Variants in ANK3 observed in about 807,000 individuals in gnomAD.
ANK3 encodes ankyrin 3, also known as ankyrin-3.
In ANK3, 57 loss-of-function variants were observed where a neutral mutation model predicts 370.9. The ratio of observed to expected loss-of-function variants is 0.15; its 90% CI spans 0.12 to 0.19. The LOEUF is 0.19. Among genes scored for constraint, ANK3 ranks in the 10% least tolerant of loss-of-function variants. ANK3 has a pLI of 1.00. For missense variants in ANK3, 4,439 were observed against 5,302.1 expected (o/e 0.84, Z 5.06); for synonymous variants, 1,929 against 1,946.3 (o/e 0.99, Z 0.23).
intron 25 of ANK3, among the ~76,000 whole-genome samples, chr10:60,130,111 TAACAA>T (rs2093981884): frequency 6.6e-6 from 1 of 152,216 alleles, no homozygotes; most frequent in Non-Finnish European, 1.5e-5. Context: ...TGATAACCTG[TAACAA>T]AACAGTCTAC....
At chr10:60,674,150 T>C (rs1381067140) in intron 1 of ANK3, among the ~76,000 whole-genome samples, 1 of 152,194 alleles carries the variant, frequency 6.6e-6, no homozygotes, top group Non-Finnish European at 1.5e-5. Flanking sequence ...GTGTCTTCAT[T>C]CCAATAATTT....
At chr10:60,648,925 T>C (rs1037185795) in intron 1 of ANK3, among the ~76,000 whole-genome samples, 4 of 152,024 alleles carry the variant, frequency 2.6e-5, no homozygotes, top group African/African-American at 9.7e-5. Context: ...GCTAGTCATA[T>C]TGGCCACAGC....
At chr10:60,585,866 A>G (rs530186538) in intron 2 of ANK3, among the ~76,000 whole-genome samples, 1 of 152,200 alleles carries the variant, frequency 6.6e-6, no homozygotes, top group Admixed American at 6.5e-5. Context: ...TCTACCAAAG[A>G]TTCAAAAATT....
At chr10:60,708,459 A>G (rs975558629) in intron 1 of ANK3, among the ~76,000 whole-genome samples, 2 of 152,248 alleles carry the variant, frequency 1.3e-5, no homozygotes, top group Non-Finnish European at 2.9e-5. Flanking sequence ...GTTGAGTTTC[A>G]AAAGGTAGAG....
At chr10:60,048,343 G>A (rs1355433014) in intron 42 of ANK3, among the ~76,000 whole-genome samples, 1 of 152,204 alleles carries the variant, frequency 6.6e-6, no homozygotes, top group African/African-American at 2.4e-5. Flanking sequence ...TGGTTCCCAG[G>A]AATGACAGCC....
intron 4 of ANK3, among the ~76,000 whole-genome samples, chr10:60,276,640 A>G (rs779967940): frequency 1.4e-4 from 21 of 152,178 alleles, no homozygotes; most frequent in Admixed American, 2.6e-4. Context: ...TGAAATTAGA[A>G]CTAATTAGGA....
chr10:60,270,515 T>C (rs557803618), intron 4 of ANK3, among the ~76,000 whole-genome samples: 1 of 152,316 alleles, frequency 6.6e-6, no homozygotes, highest in South Asian at 2.1e-4. Flanking sequence ...TTACCCACTT[T>C]AAAGAAATAA....
intron 5 of ANK3, among the ~76,000 whole-genome samples, chr10:60,269,295 C>G (rs1207402401): frequency 3.3e-5 from 5 of 152,122 alleles, no homozygotes; most frequent in Non-Finnish European, 1.5e-5. Flanking sequence ...TTATTCTATT[C>G]TAGACAGCAA....
intron 1 of ANK3, among the ~76,000 whole-genome samples, chr10:60,363,688 T>G (rs1189296351): frequency 6.6e-6 from 1 of 152,178 alleles, no homozygotes. Flanking sequence ...TTCAAAACAT[T>G]ACAATTTCCT....
At chr10:60,418,714 A>G (rs1567024413) in intron 2 of ANK3, among the ~76,000 whole-genome samples, 1 of 151,540 alleles carries the variant, frequency 6.6e-6, no homozygotes, top group African/African-American at 2.4e-5. Context: ...TACTTACGCT[A>G]GAAAAAAAAA....
Position 60,027,077 on chromosome 10 carries a change from G to A in ANK3, c.*2769C>T, listed in dbSNP as rs1206701181. 6.6e-6 allele frequency: 1 copy of A among 151,740 alleles called. No individual in the cohort carries two copies. Among genetic ancestry groups the A allele is most frequent in the African/African-American group, 2.4e-5 (1 of 41,294 alleles). The allele number at this position is 151,740 out of a possible 1,614,324, so 9.4% of individuals were successfully genotyped here. On this transcript the variant is annotated 3_prime_UTR_variant, in exon 44 of 44. Coordinates refer to ENST00000280772, the MANE Select transcript of ANK3 (RefSeq NM_020987.5). ...TAAACTTATGACCTCCTGCTTGATC[G>A]GAACCAAAGCATATCACATATACCT...
chr10:60,108,728 AC>A, intron 27 of ANK3, 101 bp downstream of exon 27: 1 of 942,882 alleles, frequency 1.1e-6, no homozygotes, highest in Non-Finnish European at 1.6e-6. Context: ...TCAATCAGGT[AC>A]AACTAAGCAG....
At chr10:60,104,357 C>CAAAAAAAAAAAAAAAAA (rs747064489) in intron 28 of ANK3, among the ~76,000 whole-genome samples, 1 of 53,758 alleles carries the variant, frequency 1.9e-5, no homozygotes, top group East Asian at 6.0e-4. Flanking sequence ...GACTCCATCT[C>CAAAAAAAAAAAAAAAAA]AAAAAAAAAA....
At chr10:60,613,915 A>G (rs1300222720) in intron 2 of ANK3, among the ~76,000 whole-genome samples, 1 of 152,158 alleles carries the variant, frequency 6.6e-6, no homozygotes, top group Non-Finnish European at 1.5e-5. Flanking sequence ...CTCTATGAAA[A>G]ATACAAAAAT....
chr10:60,106,699 G>C (rs891415628), intron 27 of ANK3, among the ~76,000 whole-genome samples: 1 of 152,112 alleles, frequency 6.6e-6, no homozygotes. Flanking sequence ...TTGTTGGTTT[G>C]AAATTGTCAC....
chr10:60,362,942 G>A (rs2058834119), intron 1 of ANK3, among the ~76,000 whole-genome samples: 1 of 152,046 alleles, frequency 6.6e-6, no homozygotes, highest in African/African-American at 2.4e-5. Context: ...AGATAGGGTG[G>A]GCTATCCTGG....
At chr10:60,272,484 GTTTTTT>G (rs11368213) in intron 4 of ANK3, among the ~76,000 whole-genome samples, 1 of 147,152 alleles carries the variant, frequency 6.8e-6, no homozygotes, top group African/African-American at 2.6e-5. Flanking sequence ...GTTCTTGTTT[GTTTTTT>G]TTTTGTTGAG....
chr10:60,577,941 T>A (rs2077703060), intron 2 of ANK3, among the ~76,000 whole-genome samples: 1 of 152,196 alleles, frequency 6.6e-6, no homozygotes, highest in Non-Finnish European at 1.5e-5. Context: ...TGAATTGAGT[T>A]GCAATTTCCA....
chr10:60,275,470 C>T (rs990976135), intron 4 of ANK3, among the ~76,000 whole-genome samples: 2 of 152,078 alleles, frequency 1.3e-5, no homozygotes, highest in African/African-American at 2.4e-5. Context: ...TATGGCCAGC[C>T]TTTGCACATC....
Sources: gnomAD v4.1 joint callset for allele counts (sites outside exome capture counted in the v4.1 genomes callset) on GRCh38, gnomAD v4.1.1 for gene constraint, MANE v1.5 for transcripts, NCBI Gene and HGNC (gene_info 2026-07-23, HGNC 2026-07-21) for gene names.